Variants in TRAPPC9 observed in about 807,000 individuals in gnomAD.
TRAPPC9 encodes IKK2 binding protein.
In TRAPPC9, 83 loss-of-function variants were observed where a neutral mutation model predicts 124.0. That is an observed-to-expected ratio of 0.67 (90% CI 0.56 to 0.80). The LOEUF (loss-of-function observed/expected upper bound fraction) is 0.80, where lower values mean the gene tolerates loss of function less well. TRAPPC9 is among the 30% of genes least tolerant of loss of function. The pLI, the probability that TRAPPC9 is intolerant of heterozygous loss-of-function variation, is 0.00. For missense variants in TRAPPC9, 1,302 were observed against 1,508.3 expected (o/e 0.86, Z 2.27); for synonymous variants, 638 against 617.5 (o/e 1.03, Z -0.49).
intron 17 of TRAPPC9, among the ~76,000 whole-genome samples, chr8:140,139,759 G>A (rs578228078): frequency 2.8e-4 from 43 of 152,212 alleles, no homozygotes; most frequent in Middle Eastern, 3.4e-3. Context: ...GGGGAGGAAC[G>A]GACAGTGAAT....
chr8:140,087,058 G>A lies in TRAPPC9; in HGVS notation c.2557-62979C>T, dbSNP rs970150501. ...CGGGCTGGCTCTACTTCTTGCCACC[G>A]TCAGCCTGCCATCCTCCTACTCCTC... On this transcript the variant is annotated intron_variant, in intron 17 of 22. Coordinates refer to ENST00000438773, the MANE Select transcript of TRAPPC9 (RefSeq NM_001160372.4). This position sits in a 1 kb window ranked among gnomAD's most constrained non-coding sequence, Gnocchi z 4.6. 5.9e-5 allele frequency among the ~76,000 whole-genome samples: 9 copies of A among 152,034 alleles called. No individual in the cohort carries two copies. Among genetic ancestry groups the A allele is most frequent in the Admixed American group, 1.3e-4 (2 of 15,268 alleles).
At chr8:140,033,361 A>G (rs1392562642) in intron 17 of TRAPPC9, among the ~76,000 whole-genome samples, 2 of 152,224 alleles carry the variant, frequency 1.3e-5, no homozygotes, top group African/African-American at 4.8e-5. Flanking sequence ...GAACAACTGG[A>G]CAAATGTGTA....
chr8:139,807,729 A>G (rs1824167521), intron 21 of TRAPPC9, among the ~76,000 whole-genome samples: 1 of 152,156 alleles, frequency 6.6e-6, no homozygotes, highest in Non-Finnish European at 1.5e-5. Flanking sequence ...TTCTTTGACT[A>G]TGAGCACAGA....
chr8:139,976,409 T>G (rs1243734528), intron 19 of TRAPPC9, among the ~76,000 whole-genome samples: 1 of 152,226 alleles, frequency 6.6e-6, no homozygotes, highest in Non-Finnish European at 1.5e-5. Flanking sequence ...AGCCTATGTT[T>G]AAAAATTGAT....
chr8:140,012,398 G>A (rs1839197715), intron 18 of TRAPPC9, among the ~76,000 whole-genome samples: 1 of 152,196 alleles, frequency 6.6e-6, no homozygotes, highest in East Asian at 1.9e-4. Flanking sequence ...ACACAGAAAA[G>A]ACACTGCCTG....
At chr8:139,905,705 C>T (rs1050471007) in intron 20 of TRAPPC9, among the ~76,000 whole-genome samples, 20 of 151,718 alleles carry the variant, frequency 1.3e-4, no homozygotes, top group African/African-American at 4.8e-4. Flanking sequence ...GCTTGCTGTA[C>T]AGTAGCTAAC....
intron 11 of TRAPPC9, among the ~76,000 whole-genome samples, chr8:140,298,167 A>T (rs1443739570): frequency 6.6e-6 from 1 of 152,234 alleles, no homozygotes; most frequent in African/African-American, 2.4e-5. Flanking sequence ...TACCATTTTT[A>T]AAAGCACAAG....
At chr8:140,290,608 G>T (rs542581505) in intron 12 of TRAPPC9, among the ~76,000 whole-genome samples, 1 of 152,112 alleles carries the variant, frequency 6.6e-6, no homozygotes, top group South Asian at 2.1e-4. Context: ...TTCTTCCCTG[G>T]GGCCTTGGTC....
intron 2 of TRAPPC9, among the ~76,000 whole-genome samples, chr8:140,442,403 T>C (rs2132647270): frequency 6.6e-6 from 1 of 151,786 alleles, no homozygotes; most frequent in South Asian, 2.1e-4. Context: ...ATTGAGACCA[T>C]CCTGGCTAAC....
At chr8:139,901,020 A>AATAAAAAT (rs1412204353) in intron 20 of TRAPPC9, among the ~76,000 whole-genome samples, 2 of 150,876 alleles carry the variant, frequency 1.3e-5, no homozygotes, top group African/African-American at 4.9e-5. Context: ...TAAATAAATA[A>AATAAAAAT]AAATAAAATA....
At chr8:139,856,496 C>A (rs1381552596) in intron 21 of TRAPPC9, among the ~76,000 whole-genome samples, 1 of 152,158 alleles carries the variant, frequency 6.6e-6, no homozygotes. Flanking sequence ...CCCGCTGCAG[C>A]CTGAGTCTAG....
intron 18 of TRAPPC9, among the ~76,000 whole-genome samples, chr8:139,996,097 A>C (rs1837946162): frequency 7.2e-6 from 1 of 139,582 alleles, no homozygotes; most frequent in Non-Finnish European, 1.5e-5. Context: ...ACTTGAAACA[A>C]GTGAAAAGAC....
intron 9 of TRAPPC9, among the ~76,000 whole-genome samples, chr8:140,357,882 G>A (rs917245725): frequency 2.0e-5 from 3 of 152,178 alleles, no homozygotes; most frequent in South Asian, 4.1e-4. Flanking sequence ...AAGCAACAGC[G>A]ACCCAATACA....
At chr8:140,019,361 T>G (rs1335268248) in intron 18 of TRAPPC9, among the ~76,000 whole-genome samples, 1 of 152,124 alleles carries the variant, frequency 6.6e-6, no homozygotes, top group Non-Finnish European at 1.5e-5. Flanking sequence ...TCTGAAAAAG[T>G]TTTTGTAAAG....
intron 6 of TRAPPC9, among the ~76,000 whole-genome samples, chr8:140,399,901 T>C (rs2069209972): frequency 6.6e-6 from 1 of 152,222 alleles, no homozygotes; most frequent in African/African-American, 2.4e-5. Flanking sequence ...AATTCCCACA[T>C]GTTGTGGGAG....
chr8:140,219,983 C>CA (rs2063298987), intron 17 of TRAPPC9, among the ~76,000 whole-genome samples: 1 of 152,238 alleles, frequency 6.6e-6, no homozygotes, highest in Admixed American at 6.5e-5. Context: ...AACCTCTAAT[C>CA]AGACACTGGC....
chr8:140,184,732 T>C (rs2062312915), intron 17 of TRAPPC9, among the ~76,000 whole-genome samples: 1 of 152,256 alleles, frequency 6.6e-6, no homozygotes, highest in South Asian at 2.1e-4. Context: ...ACAAGCATCC[T>C]AAATACCATT....
At position 140,283,983 on chromosome 8, in the gene TRAPPC9, A is replaced by T. The variant is rs1352848117; in HGVS notation, c.2020T>A (p.Leu674Met). The T allele has an allele frequency of 1.2e-6, 2 of 1,614,072 alleles. No homozygotes were observed. The highest frequency in any genetic ancestry group is 4.5e-5 in the East Asian group (2 of 44,894). Residue 674 changes from leucine (L) to methionine (M), a missense_variant, in exon 14 of 23, where the codon TTG becomes ATG. By Grantham distance (15) the Leu-to-Met change is conservative. Transcript: ENST00000438773. ...TTTATTCCCGGCAGGTTATCCAGCAAACAGTCACTGAACACACCGAAGACC... is the reference window on the plus strand; with the variant it reads ...TTTATTCCCGGCAGGTTATCCAGCATACAGTCACTGAACACACCGAAGACC... ...TTVFGVFSDC[L>M]LDNLPGIKTS...
chr8:139,817,079 C>CACACACACACACACACACACACACAA, intron 21 of TRAPPC9, among the ~76,000 whole-genome samples: 1 of 151,204 alleles, frequency 6.6e-6, no homozygotes, highest in Middle Eastern at 3.4e-3. Flanking sequence ...CACACACACA[C>CACACACACACACACACACACACACAA]CAGCCACTGC....
Sources: gnomAD v4.1 joint callset for allele counts (sites outside exome capture counted in the v4.1 genomes callset) on GRCh38, gnomAD v4.1.1 for gene constraint, Gnocchi (gnomAD v3.1) non-coding constraint, MANE v1.5 for transcripts, NCBI Gene and HGNC (gene_info 2026-07-23, HGNC 2026-07-21) for gene names.